GABRA3: variants seen among roughly 807,000 people sequenced by gnomAD.
GABRA3 encodes gamma-aminobutyric acid type A receptor subunit alpha3.
A neutral mutation model predicts 30.1 loss-of-function variants in GABRA3; 10 were observed. That is an observed-to-expected ratio of 0.33 (90% CI 0.20 to 0.56). GABRA3 has a LOEUF of 0.56. Among genes scored for constraint, GABRA3 ranks in the 20% least tolerant of loss-of-function variants. The probability of loss-of-function intolerance (pLI) is 0.89; values close to 1 mark genes in which losing one functional copy is unlikely to be tolerated. For missense variants in GABRA3, 233 were observed against 392.0 expected, an observed-to-expected ratio of 0.59 and a Z score of 3.42; for synonymous variants, 151 against 146.8, an observed-to-expected ratio of 1.03 and a Z score of -0.21.
chrX:152,201,802 T>C (rs1937488152), intron 7 of GABRA3, among the ~76,000 whole-genome samples: 1 of 111,992 alleles, frequency 8.9e-6, no homozygotes, highest in African/African-American at 3.2e-5. Context: ...CCTTGTTCTT[T>C]ATCTTGCCTC....
At chrX:152,227,580 C>T (rs182561101) in intron 5 of GABRA3, among the ~76,000 whole-genome samples, 8 of 102,076 alleles carry the variant, frequency 7.8e-5, no homozygotes, top group Non-Finnish European at 1.4e-4. Context: ...TGTATAAACT[C>T]ATAATTAAAT....
chrX:152,216,032 T>C lies in GABRA3; in HGVS notation c.635-7888A>G, dbSNP rs182947069. 4.5e-3 allele frequency among the ~76,000 whole-genome samples: 498 copies of C among 110,268 alleles called. 3 individuals are homozygous for C. Among genetic ancestry groups the C allele is most frequent in the African/African-American group, 0.015 (471 of 30,508 alleles). Reference sequence around the variant, plus strand: ...CAGAGATGCAAATCAAAACCACAATTAGATATCATCTCACCCTGGTTAGAA... The same window carrying C: ...CAGAGATGCAAATCAAAACCACAATCAGATATCATCTCACCCTGGTTAGAA... On this transcript the variant is annotated intron_variant, in intron 6 of 9. Coordinates refer to ENST00000370314, the MANE Select transcript of GABRA3 (RefSeq NM_000808.4).
intron 5 of GABRA3, among the ~76,000 whole-genome samples, chrX:152,231,241 G>A (rs1938068472): frequency 9.5e-6 from 1 of 105,273 alleles, no homozygotes; most frequent in Non-Finnish European, 2.0e-5. Flanking sequence ...ACACACATAT[G>A]TATACATACA....
At position 152,339,073 on chromosome X, in the gene GABRA3, T is replaced by A. The variant is rs749874598; in HGVS notation, c.262+6508A>T. ...TTTTCCTATTTCTATGAAGAACGTC[T>A]TTGGTATATCGGTAGAGATTACATT... On this transcript the variant is annotated intron_variant, in intron 3 of 9. Coordinates refer to ENST00000370314, the MANE Select transcript of GABRA3 (RefSeq NM_000808.4). Among the ~76,000 whole-genome samples the A allele has an allele frequency of 7.2e-5, 8 of 111,051 alleles. No individual in the cohort carries two copies. The South Asian group carries it at 3.1e-3, about 43-fold the overall frequency.
At chrX:152,386,665 G>A (rs1929323369) in intron 1 of GABRA3, among the ~76,000 whole-genome samples, 1 of 107,612 alleles carries the variant, frequency 9.3e-6, no homozygotes, top group Non-Finnish European at 1.9e-5. Flanking sequence ...TGGAGAGGAT[G>A]TGGAGAAATA....
At chrX:152,450,784 C>T (rs1240019888) in intron 1 of GABRA3, among the ~76,000 whole-genome samples, 1 of 112,524 alleles carries the variant, frequency 8.9e-6, no homozygotes, top group African/African-American at 3.2e-5. Flanking sequence ...TCTGCTTTGG[C>T]TAGGGGCCAC....
At chrX:152,362,954 T>C (rs1569408432) in intron 2 of GABRA3, among the ~76,000 whole-genome samples, 1 of 112,155 alleles carries the variant, frequency 8.9e-6, no homozygotes, top group East Asian at 2.8e-4. Flanking sequence ...ATTAAATACA[T>C]TGGACATGCT....
chrX:152,344,953 A>G (rs1226073983), intron 3 of GABRA3, among the ~76,000 whole-genome samples: 1 of 111,941 alleles, frequency 8.9e-6, no homozygotes, highest in African/African-American at 3.2e-5. Flanking sequence ...TGAATTTATA[A>G]TAACCCGTGA....
chrX:152,417,948 T>C (rs369870686), intron 1 of GABRA3, among the ~76,000 whole-genome samples: 28 of 101,255 alleles, frequency 2.8e-4, no homozygotes, highest in Non-Finnish European at 4.8e-4. Flanking sequence ...GTGGGTGCAG[T>C]GCACCAGCAT....
At chrX:152,226,862 T>C (rs1316743629) in intron 5 of GABRA3, among the ~76,000 whole-genome samples, 1 of 111,699 alleles carries the variant, frequency 9.0e-6, no homozygotes. Context: ...AGAATGGCAA[T>C]CATTAAAAAG....
At chrX:152,270,573 G>C (rs1044770503) in intron 4 of GABRA3, among the ~76,000 whole-genome samples, 1 of 110,882 alleles carries the variant, frequency 9.0e-6, no homozygotes, top group Non-Finnish European at 1.9e-5. Flanking sequence ...AAGTCAGAAA[G>C]GCCAAGTGCA....
At position 152,432,961 on chromosome X, in the gene GABRA3, A is replaced by C. The variant is rs180682556; in HGVS notation, c.-27+18185T>G. ...ATCAGTGCAATTCACAGTTCCAAAA[A>C]AGATGAAGGAGAGAAAAGGAGTTGA... On this transcript the variant is annotated intron_variant, in intron 1 of 9. Transcript: ENST00000370314. Among the ~76,000 whole-genome samples the C allele has an allele frequency of 6.8e-4, 75 of 111,008 alleles. 1 individual carries two copies. The highest frequency in any genetic ancestry group is 2.3e-3 in the African/African-American group (70 of 30,698).
intron 6 of GABRA3, among the ~76,000 whole-genome samples, chrX:152,222,520 C>T (rs75662293): frequency 0.082 from 8,884 of 107,727 alleles, 398 homozygotes; most frequent in Non-Finnish European, 0.12. Context: ...CAAACTCTGA[C>T]GTCTAAATCA....
At chrX:152,345,031 A>G (rs1486824348) in intron 3 of GABRA3, among the ~76,000 whole-genome samples, 1 of 111,693 alleles carries the variant, frequency 9.0e-6, no homozygotes, top group African/African-American at 3.3e-5. Flanking sequence ...GCCAACTAAG[A>G]TCTCACATAG....
intron 9 of GABRA3, among the ~76,000 whole-genome samples, chrX:152,178,987 T>C (rs1937110179): frequency 8.9e-6 from 1 of 111,820 alleles, no homozygotes; most frequent in Non-Finnish European, 1.9e-5. Flanking sequence ...CTGAATCCTC[T>C]AGTACAATTA....
intron 4 of GABRA3, among the ~76,000 whole-genome samples, chrX:152,259,984 T>C (rs1260566429): frequency 1.8e-5 from 2 of 110,752 alleles, no homozygotes; most frequent in African/African-American, 6.6e-5. Context: ...TTTCTGGACC[T>C]GCCTTGGGCC....
chrX:152,264,979 G>A (rs1206905566), intron 4 of GABRA3, among the ~76,000 whole-genome samples: 1 of 111,419 alleles, frequency 9.0e-6, no homozygotes, highest in African/African-American at 3.3e-5. Context: ...CCCAATGCTG[G>A]AGCACCCAGA....
intron 5 of GABRA3, among the ~76,000 whole-genome samples, chrX:152,225,432 GCACA>G (rs60046142): frequency 0.011 from 1,098 of 96,380 alleles, 8 homozygotes; most frequent in Admixed American, 0.031. Flanking sequence ...ACACACACAC[GCACA>G]CACACACACA....
intron 9 of GABRA3, among the ~76,000 whole-genome samples, chrX:152,174,104 T>A (rs1321043106): frequency 9.0e-6 from 1 of 111,141 alleles, no homozygotes; most frequent in Non-Finnish European, 1.9e-5. Context: ...TCCATGTCCC[T>A]GCAAAGGACA....
Sources: allele counts gnomAD v4.1 joint callset (sites outside exome capture counted in the v4.1 genomes callset), GRCh38; gene constraint gnomAD v4.1.1; transcripts MANE v1.5; gene names NCBI Gene and HGNC (gene_info 2026-07-23, HGNC 2026-07-21).